The following MTPN variants were observed in gnomAD, a reference collection of about 807,000 sequenced individuals.
MTPN encodes granule cell differentiation protein.
Under a neutral mutation model 13.5 loss-of-function variants are expected in MTPN, and 2 were observed. The ratio of observed to expected loss-of-function variants is 0.15; its 90% CI spans 0.06 to 0.47. The LOEUF (loss-of-function observed/expected upper bound fraction) is 0.47, where lower values mean the gene tolerates loss of function less well. Ranked by LOEUF, MTPN falls within the 20% of genes least tolerant of loss-of-function variation. The pLI is 0.97. For missense variants in MTPN, 79 were observed against 137.9 expected (o/e 0.57, Z 2.14); for synonymous variants, 46 against 51.7 (o/e 0.89, Z 0.48).
chr7:135,961,882 A>G (rs1242904193), intron 1 of MTPN, among the ~76,000 whole-genome samples: 1 of 152,136 alleles, frequency 6.6e-6, no homozygotes, highest in African/African-American at 2.4e-5. Context: ...AAGCAAAAAA[A>G]GTAAATGGGA....
chr7:135,969,094 G>C (rs1277987726), intron 1 of MTPN, among the ~76,000 whole-genome samples: 5 of 107,284 alleles, frequency 4.7e-5, no homozygotes, highest in Non-Finnish European at 9.8e-5. Flanking sequence ...GGGGTGGGGG[G>C]GGGGGAGGAG....
chr7:135,971,070 A>G (rs937571152), intron 1 of MTPN, among the ~76,000 whole-genome samples: 3 of 152,236 alleles, frequency 2.0e-5, no homozygotes, highest in Non-Finnish European at 4.4e-5. Context: ...TGGAATTTCT[A>G]AAGATTAGAG....
Position 135,929,180 on chromosome 7 carries a change from G to C in MTPN, c.*746C>G, listed in dbSNP as rs1454067794. The C allele has an allele frequency of 6.0e-6, 1 of 166,772 alleles. No individual in the cohort carries two copies. Among genetic ancestry groups the C allele is most frequent in the African/African-American group, 2.4e-5 (1 of 41,354 alleles). 10.3% of individuals were successfully genotyped at this position (166,772 alleles called of 1,614,324 possible). On this transcript the variant is annotated 3_prime_UTR_variant, in exon 4 of 4. Coordinates refer to ENST00000393085, the MANE Select transcript of MTPN (RefSeq NM_145808.4). Reference sequence around the variant, plus strand: ...TGCTATATAAATGTATGAATCTAGAGGAGAAAAAAATATGCATACTGGAAT... The same window carrying C: ...TGCTATATAAATGTATGAATCTAGACGAGAAAAAAATATGCATACTGGAAT...
chr7:135,945,407 C>G (rs1799274688), intron 3 of MTPN, among the ~76,000 whole-genome samples: 1 of 152,148 alleles, frequency 6.6e-6, no homozygotes, highest in African/African-American at 2.4e-5. Flanking sequence ...GCTTAAAACA[C>G]AAGTACACTG....
At chr7:135,962,776 C>T (rs1799545257) in intron 1 of MTPN, among the ~76,000 whole-genome samples, 1 of 152,006 alleles carries the variant, frequency 6.6e-6, no homozygotes, top group Non-Finnish European at 1.5e-5. Context: ...GCCTCTATTA[C>T]ATAGCATTAG....
chr7:135,970,611 CTA>C (rs1443667182), intron 1 of MTPN, among the ~76,000 whole-genome samples: 6 of 152,040 alleles, frequency 3.9e-5, no homozygotes, highest in Non-Finnish European at 7.4e-5. Context: ...GTTATAATTT[CTA>C]TCAGTTTTAA....
intron 3 of MTPN, among the ~76,000 whole-genome samples, chr7:135,930,376 C>T (rs1799000513): frequency 6.6e-6 from 1 of 152,160 alleles, no homozygotes; most frequent in Non-Finnish European, 1.5e-5. Context: ...AATCACTTTG[C>T]TAAAGTATTC....
intron 3 of MTPN, 60 bp downstream of exon 3, chr7:135,950,535 ACAAT>A (rs1799350489): frequency 7.9e-7 from 1 of 1,261,080 alleles, no homozygotes; most frequent in South Asian, 1.3e-5. Flanking sequence ...AAATAAATTA[ACAAT>A]CAAATACTTG....
At chr7:135,964,258 A>G (rs1390400119) in intron 1 of MTPN, among the ~76,000 whole-genome samples, 3 of 152,082 alleles carry the variant, frequency 2.0e-5, no homozygotes, top group Admixed American at 6.6e-5. Flanking sequence ...TAAGGGAAAT[A>G]ATGTATTCAG....
chr7:135,951,228 C>T (rs1158005587), intron 2 of MTPN, among the ~76,000 whole-genome samples: 1 of 152,110 alleles, frequency 6.6e-6, no homozygotes. Flanking sequence ...CCATTTGTTA[C>T]CCACAGATAG....
At chr7:135,948,290 AC>A (rs1799313884) in intron 3 of MTPN, among the ~76,000 whole-genome samples, 1 of 152,214 alleles carries the variant, frequency 6.6e-6, no homozygotes, top group African/African-American at 2.4e-5. Context: ...AAAAAGCAGA[AC>A]TAAAATGTAC....
At position 135,927,732 on chromosome 7, in the gene MTPN, T is replaced by C. The variant is rs772645815; in HGVS notation, c.*2194A>G. Reference sequence around the variant, plus strand: ...GTTATTTTCTCAAGCAATCGCTTCATAATTATAGGGTTTACAAAAAGGTCG... The same window carrying C: ...GTTATTTTCTCAAGCAATCGCTTCACAATTATAGGGTTTACAAAAAGGTCG... On this transcript the variant is annotated 3_prime_UTR_variant, in exon 4 of 4. Coordinates refer to ENST00000393085, the MANE Select transcript of MTPN (RefSeq NM_145808.4). The C allele has an allele frequency of 2.0e-6, 1 of 492,452 alleles. No homozygotes were observed. The highest frequency in any genetic ancestry group is 1.6e-5 in the South Asian group (1 of 63,854). 30.5% of individuals were successfully genotyped at this position (492,452 alleles called of 1,614,324 possible).
intron 3 of MTPN, among the ~76,000 whole-genome samples, chr7:135,930,343 C>G (rs1178499926): frequency 6.6e-6 from 1 of 152,098 alleles, no homozygotes; most frequent in African/African-American, 2.4e-5. Context: ...TCCCTATGTG[C>G]AGTATGAAAC....
chr7:135,977,177 G>A lies in MTPN; in HGVS notation c.-77C>T. ...CAGCAGCAAGCGGATGCCGCCGGGC[G>A]AGAGGGAGGCAGGGCCGCGCGAAGC... On this transcript the variant is annotated 5_prime_UTR_variant, in exon 1 of 4. Coordinates refer to ENST00000393085, the MANE Select transcript of MTPN (RefSeq NM_145808.4). The A allele has an allele frequency of 1.4e-6, 2 of 1,471,998 alleles. No individual in the cohort carries two copies. The highest frequency in any genetic ancestry group is 1.7e-5 in the Admixed American group (1 of 59,770). 91.2% of individuals were successfully genotyped at this position (1,471,998 alleles called of 1,614,324 possible).
rs368772208 is a variant in MTPN at position 135,961,523 on chromosome 7, C to CT, written c.73-9894dup. On this transcript the variant is annotated intron_variant, in intron 1 of 3. Coordinates refer to ENST00000393085, the MANE Select transcript of MTPN (RefSeq NM_145808.4). ...TTTGGAGAGAGTTTGAGATATATACCTTTTTTTTTTTCTTTCTTTTTTGAG... is the reference window on the plus strand; with the variant it reads ...TTTGGAGAGAGTTTGAGATATATACCTTTTTTTTTTTTCTTTCTTTTTTGAG... Among the ~76,000 whole-genome samples, 971 of 147,392 alleles carry CT rather than the reference C, an allele frequency of 6.6e-3. 15 individuals are homozygous for CT. The highest frequency in any genetic ancestry group is 0.02 in the African/African-American group (826 of 40,382).
intron 3 of MTPN, 148 bp downstream of exon 3, chr7:135,950,451 C>A: frequency 1.5e-6 from 1 of 645,494 alleles, no homozygotes; most frequent in Non-Finnish European, 2.7e-6. Context: ...TATGGGCCAG[C>A]TATTTTGAGT....
At chr7:135,959,283 A>G (rs977166931) in intron 1 of MTPN, among the ~76,000 whole-genome samples, 1 of 152,188 alleles carries the variant, frequency 6.6e-6, no homozygotes, top group Non-Finnish European at 1.5e-5. Flanking sequence ...TTTATAGAAC[A>G]TAACAGTTAC....
Position 135,951,650 on chromosome 7 carries a change from A to G in MTPN, c.73-20T>C. On this transcript the variant is annotated intron_variant, in intron 1 of 3. Coordinates refer to ENST00000393085, the MANE Select transcript of MTPN (RefSeq NM_145808.4). ...TTCTCCCTGATAAGAAAACCAAATG[A>G]AAACAATATTTATATGAATGGAAGA... is the stretch of plus-strand genomic sequence containing the variant. 6.5e-7 allele frequency: 1 copy of G among 1,543,810 alleles called. No individual in the cohort carries two copies. The highest frequency in any genetic ancestry group is 1.1e-5 in the South Asian group (1 of 87,570).
At position 135,929,924 on chromosome 7, in the gene MTPN, C is replaced by T; in HGVS notation, c.*2G>A. ...TTCCGGAGTTATCAGTCCATCCATC[C>T]ATCACTGGAGAAGAGCTTTGATTGC... is the stretch of plus-strand genomic sequence containing the variant. On this transcript the variant is annotated 3_prime_UTR_variant, in exon 4 of 4. Transcript: ENST00000393085. The T allele has an allele frequency of 6.2e-7, 1 of 1,613,874 alleles. No homozygotes were observed. Among genetic ancestry groups the T allele is most frequent in the Non-Finnish European group, 8.5e-7 (1 of 1,179,776 alleles).
Sources: gnomAD v4.1 joint callset for allele counts (sites outside exome capture counted in the v4.1 genomes callset) on GRCh38, gnomAD v4.1.1 for gene constraint, MANE v1.5 for transcripts, NCBI Gene and HGNC (gene_info 2026-07-23, HGNC 2026-07-21) for gene names.